The following RAC1 variants were observed in gnomAD, a reference collection of about 807,000 sequenced individuals.
RAC1 encodes ras-related C3 botulinum toxin substrate 1.
In RAC1, 2 loss-of-function variants were observed where a neutral mutation model predicts 25.2. That is an observed-to-expected ratio of 0.08 (90% CI 0.03 to 0.25). RAC1 has a LOEUF of 0.25. RAC1 is among the 10% of genes least tolerant of loss of function. The probability of loss-of-function intolerance (pLI) is 1.00; values close to 1 mark genes in which losing one functional copy is unlikely to be tolerated. For missense variants in RAC1, 50 were observed against 235.7 expected (o/e 0.21, Z 5.16); for synonymous variants, 88 against 94.0 (o/e 0.94, Z 0.37).
chr7:6,402,303 G>A lies in RAC1; in HGVS notation c.449-13G>A, dbSNP rs530476225. The stretch of plus-strand genomic sequence containing the variant: ...GTCGAGTGTACATTGCCGTGTGGTC[G>A]TGTTTCCTGTAGGTGCTGTAAAATA... On this transcript the variant is annotated splice_polypyrimidine_tract_variant and intron_variant, in intron 5 of 5. Transcript: ENST00000348035. 3.2e-4 allele frequency: 518 copies of A among 1,598,366 alleles called. 3 individuals carry two copies. The South Asian group carries it at 4.5e-3, about 14-fold the overall frequency.
At chr7:6,400,326 G>C in intron 4 of RAC1, 138 bp downstream of exon 4, 2 of 815,118 alleles carry the variant, frequency 2.5e-6, no homozygotes, top group South Asian at 1.6e-5. Context: ...TACATGATTG[G>C]GTTTTTTTTT....
intron 1 of RAC1, among the ~76,000 whole-genome samples, chr7:6,377,388 G>A (rs1782640145): frequency 6.6e-6 from 1 of 152,070 alleles, no homozygotes; most frequent in South Asian, 2.1e-4. Flanking sequence ...GAGCTTAGGA[G>A]TTCAAGACCA....
intron 1 of RAC1, among the ~76,000 whole-genome samples, chr7:6,383,535 T>G (rs1782831744): frequency 6.6e-6 from 1 of 152,176 alleles, no homozygotes; most frequent in South Asian, 2.1e-4. Flanking sequence ...ATTATGCCAG[T>G]ACCTTGAATT....
chr7:6,391,828 T>C, intron 2 of RAC1, 96 bp from the exon 3 acceptor site: 5 of 1,586,826 alleles, frequency 3.2e-6, no homozygotes, highest in Non-Finnish European at 4.3e-6. Context: ...TCCAGGCCCG[T>C]CCCCAGCCTT....
At chr7:6,387,069 G>C (rs190010875) in intron 1 of RAC1, 143 bp from the exon 2 acceptor site, 13 of 568,506 alleles carry the variant, frequency 2.3e-5, no homozygotes, top group Non-Finnish European at 4.0e-5. Flanking sequence ...GGTGATAAAG[G>C]GTTATAGAAA....
At chr7:6,378,536 G>C (rs549349277) in intron 1 of RAC1, among the ~76,000 whole-genome samples, 47 of 151,956 alleles carry the variant, frequency 3.1e-4, no homozygotes, top group Non-Finnish European at 4.7e-4. Context: ...ACAAGAGCAA[G>C]GCTCTGTCTT....
At chr7:6,388,141 G>C (rs906411092) in intron 2 of RAC1, among the ~76,000 whole-genome samples, 6 of 152,036 alleles carry the variant, frequency 3.9e-5, no homozygotes, top group Admixed American at 1.3e-4. Flanking sequence ...AGACAGGAAA[G>C]TGCTGCTCTG....
At chr7:6,378,737 T>A (rs761180465) in intron 1 of RAC1, among the ~76,000 whole-genome samples, 12 of 152,258 alleles carry the variant, frequency 7.9e-5, no homozygotes, top group Non-Finnish European at 1.3e-4. Context: ...CTGCCCCACC[T>A]TTTAACTTTC....
intron 1 of RAC1, among the ~76,000 whole-genome samples, chr7:6,380,555 C>G (rs1782736010): frequency 6.6e-6 from 1 of 152,146 alleles, no homozygotes. Context: ...TTTTTCACAT[C>G]TCCATCACTA....
intron 4 of RAC1, 168 bp from the exon 5 acceptor site, chr7:6,401,699 TC>T: frequency 5.0e-6 from 3 of 597,644 alleles, no homozygotes; most frequent in South Asian, 2.2e-5. Context: ...CCTGAGATGT[TC>T]CTTATGGCTC....
chr7:6,391,531 T>G (rs898530018), intron 2 of RAC1: 1 of 223,274 alleles, frequency 4.5e-6, no homozygotes, highest in African/African-American at 2.3e-5. Flanking sequence ...AGTGGCCAGC[T>G]AGCTCTCTTG....
rs745691810 is a variant in RAC1, at chr7:6,402,344, G to A, written c.477G>A (p.Ala159=). The change falls in exon 6 of 6, where the codon GCG becomes GCA. Residue 159 remains alanine (A), a synonymous_variant. Transcript: ENST00000348035. ...IGAVKYLECS[A]LTQRGLKTVF... ...CTGTAAAATACCTGGAGTGCTCGGC[G>A]CTCACACAGCGAGGCCTCAAGACAG... is the stretch of plus-strand genomic sequence containing the variant. 65 of 1,611,414 alleles carry A rather than the reference G, an allele frequency of 4.0e-5. No individual in the cohort carries two copies. Among genetic ancestry groups the A allele is most frequent in the Admixed American group, 6.7e-5 (4 of 59,414 alleles).
chr7:6,384,016 A>G (rs1782853291), intron 1 of RAC1, among the ~76,000 whole-genome samples: 1 of 151,864 alleles, frequency 6.6e-6, no homozygotes, highest in African/African-American at 2.4e-5. Flanking sequence ...GCTCTTCTCG[A>G]ATTCCTGACC....
At chr7:6,393,361 A>G (rs1783141878) in intron 3 of RAC1, among the ~76,000 whole-genome samples, 2 of 152,186 alleles carry the variant, frequency 1.3e-5, no homozygotes, top group Non-Finnish European at 2.9e-5. Flanking sequence ...ACTGGCTGGT[A>G]GAGTAGGAGA....
Position 6,402,682 on chromosome 7 carries a change from C to T in RAC1, c.*236C>T. On this transcript the variant is annotated 3_prime_UTR_variant, in exon 6 of 6. Coordinates refer to ENST00000348035, the MANE Select transcript of RAC1 (RefSeq NM_006908.5). The stretch of plus-strand genomic sequence containing the variant: ...AGACTCACATTCTATTAAAATTTAG[C>T]CCTAAAATGACAAGCCTTCTTAAAG... 5.3e-6 allele frequency: 2 copies of T among 380,656 alleles called. No individual in the cohort carries two copies. The highest frequency in any genetic ancestry group is 6.8e-5 in the South Asian group (1 of 14,750). The allele number at this position is 380,656 out of a possible 1,614,324, so 23.6% of individuals were successfully genotyped here. A position where few individuals can be genotyped will look rare whatever the true frequency, so the allele number is the denominator to read the frequency against.
chr7:6,380,823 C>A (rs184084165), intron 1 of RAC1, among the ~76,000 whole-genome samples: 2 of 152,082 alleles, frequency 1.3e-5, no homozygotes, highest in African/African-American at 2.4e-5. Context: ...TCAGAGGGAA[C>A]CTTTTAAGAG....
At chr7:6,387,697 C>G (rs1409830180) in intron 2 of RAC1, among the ~76,000 whole-genome samples, 2 of 151,696 alleles carry the variant, frequency 1.3e-5, no homozygotes, top group Non-Finnish European at 2.9e-5. Flanking sequence ...TGCACTCCAG[C>G]CTGGGCAATG....
At chr7:6,398,722 T>C (rs1190984291) in intron 3 of RAC1, 1 of 1,613,356 alleles carries the variant, frequency 6.2e-7, no homozygotes, top group South Asian at 1.1e-5. Flanking sequence ...GATTGCCGTA[T>C]GTAAAACTTT....
chr7:6,387,310 C>T lies in RAC1; in HGVS notation c.107+27C>T, dbSNP rs702483. Reference sequence around the variant, plus strand: ...TAAGTATCTTAAATTGGGAATTAACCTGTTTGTGTTACGGGTTTCACATTT... The same window carrying T: ...TAAGTATCTTAAATTGGGAATTAACTTGTTTGTGTTACGGGTTTCACATTT... On this transcript the variant is annotated intron_variant, in intron 2 of 5. Coordinates refer to ENST00000348035, the MANE Select transcript of RAC1 (RefSeq NM_006908.5). The T allele has an allele frequency of 0.51, 740,249 of 1,442,870 alleles. 199,993 individuals carry two copies. Among genetic ancestry groups the T allele is most frequent in the East Asian group, 0.9 (37,387 of 41,330 alleles). 89.4% of individuals were successfully genotyped at this position (1,442,870 alleles called of 1,614,324 possible).
Sources: gnomAD v4.1 joint callset for allele counts (sites outside exome capture counted in the v4.1 genomes callset) on GRCh38, gnomAD v4.1.1 for gene constraint, MANE v1.5 for transcripts, NCBI Gene and HGNC (gene_info 2026-07-23, HGNC 2026-07-21) for gene names.